PLCG2: variants seen among roughly 807,000 people sequenced by gnomAD.
PLCG2 encodes phospholipase C gamma 2.
In PLCG2, 69 loss-of-function variants were observed where a neutral mutation model predicts 175.6. The observed-to-expected ratio is 0.39, with a 90% CI of 0.32 to 0.48. The LOEUF is 0.48. PLCG2 is among the 20% of genes least tolerant of loss of function. The probability of loss-of-function intolerance (pLI) is 0.91; values close to 1 mark genes in which losing one functional copy is unlikely to be tolerated. For synonymous variants in PLCG2, 827 were observed against 624.0 expected (o/e 1.33, Z -4.85); for missense variants, 1,798 against 1,650.9 (o/e 1.09, Z -1.54).
intron 2 of PLCG2, among the ~76,000 whole-genome samples, chr16:81,812,473 G>A (rs910891729): frequency 6.6e-6 from 1 of 152,212 alleles, no homozygotes; most frequent in Non-Finnish European, 1.5e-5. Context: ...TTTCTTGGCT[G>A]CATAAATGTC....
chr16:81,953,736 T>C (rs1026228846), intron 31 of PLCG2, among the ~76,000 whole-genome samples: 11 of 152,218 alleles, frequency 7.2e-5, no homozygotes, highest in African/African-American at 2.7e-4. Flanking sequence ...TTCACTAAAC[T>C]GTTTCTATCT....
In PLCG2 at chr16:81,870,843, T is replaced by A. The variant is rs757651389; in HGVS notation, c.565-9T>A. On this transcript the variant is annotated splice_polypyrimidine_tract_variant and intron_variant, in intron 6 of 32. Coordinates refer to ENST00000564138, the MANE Select transcript of PLCG2 (RefSeq NM_002661.5). ...AAAAATCATGTGGTCACTTTTTTCATATTTACAGGAAATAGGAGCACACAA... is the reference window on the plus strand; with the variant it reads ...AAAAATCATGTGGTCACTTTTTTCAAATTTACAGGAAATAGGAGCACACAA... 1.3e-6 allele frequency: 2 copies of A among 1,535,354 alleles called. No individual in the cohort carries two copies. Among genetic ancestry groups the A allele is most frequent in the Non-Finnish European group, 1.8e-6 (2 of 1,120,852 alleles).
At chr16:81,925,273 G>A (rs938017900) in intron 22 of PLCG2, among the ~76,000 whole-genome samples, 8 of 152,138 alleles carry the variant, frequency 5.3e-5, no homozygotes, top group Non-Finnish European at 8.8e-5. Context: ...GGGTGAAACC[G>A]GCTTTTTTGC....
At chr16:81,952,932 C>T (rs11646832) in intron 31 of PLCG2, among the ~76,000 whole-genome samples, 1 of 152,280 alleles carries the variant, frequency 6.6e-6, no homozygotes, top group African/African-American at 2.4e-5. Flanking sequence ...GACCCTGCAG[C>T]TACCATCTTA....
upstream of PLCG2, among the ~76,000 whole-genome samples, chr16:81,775,475 C>A (rs960049401): frequency 3.3e-5 from 5 of 152,120 alleles, no homozygotes; most frequent in Non-Finnish European, 5.9e-5. Context: ...AGTAACAATT[C>A]CTAAAATAGT....
intron 19 of PLCG2, 108 bp downstream of exon 19, chr16:81,912,824 C>T (rs1051969629): frequency 3.8e-6 from 5 of 1,314,138 alleles, no homozygotes; most frequent in African/African-American, 3.0e-5. Context: ...GTGCCCTGCC[C>T]CCCCAGCATC....
intron 17 of PLCG2, among the ~76,000 whole-genome samples, chr16:81,909,807 G>C (rs1318833173): frequency 6.6e-6 from 1 of 152,142 alleles, no homozygotes; most frequent in African/African-American, 2.4e-5. Flanking sequence ...TTGTGTGTGT[G>C]GTCTCGTTTA....
chr16:81,882,749 T>G (rs1020800903), intron 8 of PLCG2, among the ~76,000 whole-genome samples: 4 of 151,772 alleles, frequency 2.6e-5, no homozygotes, highest in Admixed American at 1.3e-4. Context: ...ACCTCATTCT[T>G]GCTCACCCCA....
chr16:81,826,076 A>G (rs976874340), intron 2 of PLCG2, among the ~76,000 whole-genome samples: 3 of 152,160 alleles, frequency 2.0e-5, no homozygotes, highest in African/African-American at 7.2e-5. Flanking sequence ...GGAATTTGTC[A>G]CCAAAACAAC....
At chr16:81,890,367 C>T in intron 10 of PLCG2, among the ~76,000 whole-genome samples, 1 of 152,084 alleles carries the variant, frequency 6.6e-6, no homozygotes, top group Non-Finnish European at 1.5e-5. Flanking sequence ...TGGCCCAAGC[C>T]CAGGAATAAT....
intron 2 of PLCG2, among the ~76,000 whole-genome samples, chr16:81,814,509 A>T (rs974850918): frequency 2.0e-5 from 3 of 152,092 alleles, no homozygotes; most frequent in African/African-American, 7.2e-5. Context: ...CCTGGCCAAA[A>T]TGGTGAAATC....
chr16:81,772,826 G>A (rs1910313057), intron 2 of PLCG2, among the ~76,000 whole-genome samples: 2 of 151,998 alleles, frequency 1.3e-5, no homozygotes, highest in African/African-American at 4.8e-5. Flanking sequence ...AAGAATGACT[G>A]AAAAGGCTAA....
chr16:81,910,343 G>A (rs562396703), intron 17 of PLCG2, among the ~76,000 whole-genome samples, 177 bp from the exon 18 acceptor site: 11 of 152,232 alleles, frequency 7.2e-5, no homozygotes, highest in African/African-American at 2.4e-4. Flanking sequence ...CACCCGTCTC[G>A]GCCTCCCAAA....
chr16:81,836,298 C>G (rs1212434864), intron 2 of PLCG2, among the ~76,000 whole-genome samples: 1 of 152,186 alleles, frequency 6.6e-6, no homozygotes, highest in Non-Finnish European at 1.5e-5. Context: ...GGGACTGGAT[C>G]GTGGATCTCC....
At chr16:81,911,355 G>A (rs769581069) in intron 18 of PLCG2, among the ~76,000 whole-genome samples, 5 of 152,068 alleles carry the variant, frequency 3.3e-5, no homozygotes, top group Admixed American at 6.6e-5. Context: ...TGTGATCTCC[G>A]TCTTCGATTT....
At chr16:81,768,400 C>G (rs888678891) in intron 2 of PLCG2, among the ~76,000 whole-genome samples, 1 of 152,104 alleles carries the variant, frequency 6.6e-6, no homozygotes, top group East Asian at 1.9e-4. Flanking sequence ...TTTCATATCT[C>G]TTAGGTAAAT....
intron 1 of PLCG2, among the ~76,000 whole-genome samples, chr16:81,784,174 G>A (rs2143166065): frequency 6.6e-6 from 1 of 152,324 alleles, no homozygotes; most frequent in Non-Finnish European, 1.5e-5. Flanking sequence ...TGGTATGGGT[G>A]TGCAGTAGAG....
intron 31 of PLCG2, among the ~76,000 whole-genome samples, chr16:81,952,939 C>G (rs75975000): frequency 0.023 from 3,556 of 152,330 alleles, 180 homozygotes; most frequent in East Asian, 0.12. Context: ...CAGCTACCAT[C>G]TTAATCAGAT....
intron 2 of PLCG2, among the ~76,000 whole-genome samples, chr16:81,790,515 C>T (rs961069185): frequency 2.0e-5 from 3 of 152,132 alleles, no homozygotes; most frequent in African/African-American, 2.4e-5. Flanking sequence ...AGAAGGGTGA[C>T]GTTTTATCTC....
Sources: allele counts gnomAD v4.1 joint callset (sites outside exome capture counted in the v4.1 genomes callset), GRCh38; gene constraint gnomAD v4.1.1; transcripts MANE v1.5; gene names NCBI Gene and HGNC (gene_info 2026-07-23, HGNC 2026-07-21).